Variants in FHIT observed in about 807,000 individuals in gnomAD.
The protein encoded by FHIT is fragile histidine triad diadenosine triphosphatase.
A neutral mutation model predicts 17.9 loss-of-function variants in FHIT; 19 were observed. That is an observed-to-expected ratio of 1.06 (90% CI 0.74 to 1.56). FHIT has a LOEUF of 1.56. FHIT is among the 40% of genes most tolerant of loss of function. The probability of loss-of-function intolerance (pLI) is 0.00; values close to 1 mark genes in which losing one functional copy is unlikely to be tolerated. For missense variants in FHIT, 248 were observed against 189.2 expected (o/e 1.31, Z -1.82); for synonymous variants, 81 against 69.7 (o/e 1.16, Z -0.81).
intron 5 of FHIT, among the ~76,000 whole-genome samples, chr3:60,092,958 A>C (rs541418968): frequency 6.6e-6 from 1 of 152,344 alleles, no homozygotes; most frequent in East Asian, 1.9e-4. Context: ...GTCACAGAGA[A>C]GAAAAAATTC....
chr3:60,433,933 T>C (rs566455822), intron 5 of FHIT, among the ~76,000 whole-genome samples: 50 of 152,246 alleles, frequency 3.3e-4, no homozygotes, highest in African/African-American at 8.4e-4. Context: ...GTAGTTTCAA[T>C]TGTCTATTTT....
At chr3:60,080,805 G>A (rs1331513761) in intron 5 of FHIT, 1 of 152,146 alleles carries the variant, frequency 6.6e-6, no homozygotes, top group African/African-American at 2.4e-5. Flanking sequence ...GGTGCAGTTT[G>A]TTTGATGACA....
intron 5 of FHIT, among the ~76,000 whole-genome samples, chr3:60,491,549 CA>C (rs2034068133): frequency 6.6e-6 from 1 of 152,174 alleles, no homozygotes; most frequent in South Asian, 2.1e-4. Context: ...GTCAGACAAT[CA>C]ATTCATATAA....
rs1164718271 is a variant in FHIT at position 60,014,097 on chromosome 3, A to T, written c.159T>A (p.Asp53Glu). ...PVERFHDLRPDEVADLFQTTQ... is the reference protein window; with the variant it reads ...PVERFHDLRPEEVADLFQTTQ... The stretch of plus-strand genomic sequence containing the variant: ...TCGTCTGAAACAAATCGGCCACTTC[A>T]TCAGGACGCAGGTCATGGAAGCGCT... Residue 53 changes from aspartate to glutamate, a missense_variant, in exon 6 of 10, where the codon GAT becomes GAA. By Grantham distance (45) the Asp-to-Glu change is conservative. Coordinates refer to ENST00000492590, the MANE Select transcript of FHIT (RefSeq NM_002012.4). 4 of 1,614,104 alleles carry T rather than the reference A, an allele frequency of 2.5e-6. No homozygotes were observed. Among genetic ancestry groups the T allele is most frequent in the South Asian group, 1.1e-5 (1 of 91,086 alleles).
intron 5 of FHIT, among the ~76,000 whole-genome samples, chr3:60,378,897 C>CA (rs1559867429): frequency 1.3e-5 from 2 of 151,812 alleles, no homozygotes; most frequent in African/African-American, 2.4e-5. Flanking sequence ...AACGTGGATT[C>CA]AAAAAAAATA....
intron 5 of FHIT, among the ~76,000 whole-genome samples, chr3:60,227,802 C>T (rs1704289047): frequency 6.6e-6 from 1 of 152,130 alleles, no homozygotes; most frequent in Admixed American, 6.5e-5. Flanking sequence ...CACATGGCTT[C>T]CAACTCCAAG....
chr3:60,476,848 A>ATT (rs4021917), intron 5 of FHIT, among the ~76,000 whole-genome samples: 7 of 147,120 alleles, frequency 4.8e-5, no homozygotes, highest in Non-Finnish European at 1.1e-4. Flanking sequence ...CCGGGGAAGG[A>ATT]TTTTTTTTTT....
chr3:60,951,905 C>G (rs1708901107), intron 3 of FHIT, among the ~76,000 whole-genome samples: 1 of 152,064 alleles, frequency 6.6e-6, no homozygotes, highest in South Asian at 2.1e-4. Flanking sequence ...GTGGCTGATG[C>G]CTGGAGTCCC....
chr3:60,159,575 A>G (rs1700849947), intron 5 of FHIT, among the ~76,000 whole-genome samples: 1 of 152,210 alleles, frequency 6.6e-6, no homozygotes, highest in Admixed American at 6.5e-5. Context: ...CTTCTTAGCA[A>G]TCTACCTTTT....
At chr3:60,170,764 C>A (rs567098563) in intron 5 of FHIT, among the ~76,000 whole-genome samples, 2 of 152,260 alleles carry the variant, frequency 1.3e-5, no homozygotes, top group South Asian at 4.1e-4. Flanking sequence ...AAAATTATTA[C>A]TTCCAAATAG....
chr3:60,533,484 C>G (rs969466576), intron 5 of FHIT, among the ~76,000 whole-genome samples: 3 of 152,200 alleles, frequency 2.0e-5, no homozygotes, highest in African/African-American at 7.2e-5. Flanking sequence ...ATGAGGCAGA[C>G]TGGGCTGTGT....
intron 3 of FHIT, among the ~76,000 whole-genome samples, chr3:61,019,005 A>G (rs1476037641): frequency 6.6e-6 from 1 of 152,206 alleles, no homozygotes; most frequent in Non-Finnish European, 1.5e-5. Flanking sequence ...GGAATAAATA[A>G]AGCATGAATA....
chr3:60,731,619 C>T (rs1233284321), intron 4 of FHIT, among the ~76,000 whole-genome samples: 3 of 152,144 alleles, frequency 2.0e-5, no homozygotes, highest in Non-Finnish European at 4.4e-5. Context: ...TATCAAGCGT[C>T]CCTATAAGGT....
intron 5 of FHIT, among the ~76,000 whole-genome samples, chr3:60,029,259 C>A (rs1700880062): frequency 6.6e-6 from 1 of 152,134 alleles, no homozygotes; most frequent in Admixed American, 6.6e-5. Flanking sequence ...GTGGACATTG[C>A]ATGGTTTCCG....
intron 4 of FHIT, among the ~76,000 whole-genome samples, chr3:60,544,525 A>T (rs1249325690): frequency 2.0e-5 from 3 of 151,944 alleles, no homozygotes; most frequent in Non-Finnish European, 4.4e-5. Context: ...TTATTTTTTA[A>T]TATACTGCTA....
intron 3 of FHIT, among the ~76,000 whole-genome samples, chr3:60,928,634 T>G (rs1203060374): frequency 6.6e-6 from 1 of 151,524 alleles, no homozygotes; most frequent in Non-Finnish European, 1.5e-5. Context: ...GATAAATTCC[T>G]CGACACATAC....
At chr3:59,824,891 G>C (rs932785527) in intron 8 of FHIT, among the ~76,000 whole-genome samples, 1 of 151,952 alleles carries the variant, frequency 6.6e-6, no homozygotes, top group African/African-American at 2.4e-5. Flanking sequence ...CCCCACCATT[G>C]TAGACTAATT....
intron 3 of FHIT, among the ~76,000 whole-genome samples, chr3:60,964,566 G>C (rs1709619038): frequency 6.6e-6 from 1 of 152,306 alleles, no homozygotes; most frequent in Non-Finnish European, 1.5e-5. Context: ...TGCAGTGGCT[G>C]TTACTGGTTG....
intron 5 of FHIT, among the ~76,000 whole-genome samples, chr3:60,447,851 A>G (rs1177704053): frequency 3.9e-5 from 6 of 152,304 alleles, no homozygotes; most frequent in Non-Finnish European, 7.3e-5. Flanking sequence ...ATGAAGACGT[A>G]TGTAGTAAAG....
Sources: gnomAD v4.1 joint callset for allele counts (sites outside exome capture counted in the v4.1 genomes callset) on GRCh38, gnomAD v4.1.1 for gene constraint, MANE v1.5 for transcripts, NCBI Gene and HGNC (gene_info 2026-07-23, HGNC 2026-07-21) for gene names.